HS3ST3B1: variants seen among roughly 807,000 people sequenced by gnomAD.
The protein encoded by HS3ST3B1 is heparan sulfate glucosamine 3-O-sulfotransferase 3B1.
A neutral mutation model predicts 21.3 loss-of-function variants in HS3ST3B1; 13 were observed. The ratio of observed to expected loss-of-function variants is 0.61; its 90% CI spans 0.40 to 0.97. The LOEUF is 0.97. Among genes scored for constraint, HS3ST3B1 ranks in the 50% least tolerant of loss-of-function variants. The probability of loss-of-function intolerance (pLI) is 0.00; values close to 1 mark genes in which losing one functional copy is unlikely to be tolerated. For missense variants in HS3ST3B1, 459 were observed against 554.8 expected (o/e 0.83, Z 1.73); for synonymous variants, 234 against 254.8 (o/e 0.92, Z 0.78).
intron 1 of HS3ST3B1, among the ~76,000 whole-genome samples, chr17:14,323,095 A>G (rs1211172988): frequency 6.6e-6 from 1 of 151,912 alleles, no homozygotes; most frequent in Non-Finnish European, 1.5e-5. Flanking sequence ...TTTTGTAGAG[A>G]CGGGGTTTCA....
intron 1 of HS3ST3B1, among the ~76,000 whole-genome samples, chr17:14,344,146 C>A (rs369071560): frequency 6.6e-6 from 1 of 152,182 alleles, no homozygotes; most frequent in African/African-American, 2.4e-5. Context: ...GTGATCCACC[C>A]GCCTCTGCCT....
intron 1 of HS3ST3B1, chr17:14,329,307 GAGAAAGAGAGAAAGAAAGAA>G (rs1909907900): frequency 1.9e-5 from 2 of 107,844 alleles, no homozygotes; most frequent in Non-Finnish European, 3.9e-5. Flanking sequence ...GAAAGAAAGA[GAGAAAGAGAGAAAGAAAGAA>G]AGAAAGAAAG....
chr17:14,345,053 G>T lies in HS3ST3B1; in HGVS notation c.580G>T (p.Gly194Trp). The change falls in exon 2 of 2, where the codon GGG becomes TGG. Residue 194 changes from glycine (G) to tryptophan (W), a missense_variant. Around this residue, in one of 3 missense-constraint regions of HS3ST3B1, gnomAD observed 317 missense variants for 278.6 expected, o/e 1.14. Coordinates refer to ENST00000360954, the MANE Select transcript of HS3ST3B1 (RefSeq NM_006041.3). ...YRDLMPRTLDGQITMEKTPSY... is the reference protein window; with the variant it reads ...YRDLMPRTLDWQITMEKTPSY... Reference sequence around the variant, plus strand: ...GGACCTGATGCCCAGAACCCTGGACGGGCAGATCACCATGGAGAAGACGCC... The same window carrying T: ...GGACCTGATGCCCAGAACCCTGGACTGGCAGATCACCATGGAGAAGACGCC... 6.3e-7 allele frequency: 1 copy of T among 1,598,268 alleles called. No individual in the cohort carries two copies. Among genetic ancestry groups the T allele is most frequent in the Non-Finnish European group, 8.5e-7 (1 of 1,170,946 alleles).
rs1040322797 is a variant in HS3ST3B1 at position 14,303,880 on chromosome 17, T to C, written c.554+1808T>C. 6.6e-6 allele frequency: 1 copy of C among 151,994 alleles called. No individual in the cohort carries two copies. The highest frequency in any genetic ancestry group is 1.5e-5 in the Non-Finnish European group (1 of 68,084). 9.4% of individuals were successfully genotyped at this position (151,994 alleles called of 1,614,324 possible). On this transcript the variant is annotated intron_variant, in intron 1 of 1. Transcript: ENST00000360954. The surrounding 1 kb of genome is among the most constrained non-coding windows in gnomAD (Gnocchi z 5.7). Reference sequence around the variant, plus strand: ...TGAGATCAGACACACTTGGGCCGGGTTGGGAGGAACTGGCAGGAAAAGGAC... The same window carrying C: ...TGAGATCAGACACACTTGGGCCGGGCTGGGAGGAACTGGCAGGAAAAGGAC...
At chr17:14,304,417 A>G (rs1257843684) in intron 1 of HS3ST3B1, 1 of 152,268 alleles carries the variant, frequency 6.6e-6, no homozygotes, top group Non-Finnish European at 1.5e-5. Flanking sequence ...AAGGGGGAAA[A>G]AAATCTTTTA....
At chr17:14,314,889 C>T (rs889118838) in intron 1 of HS3ST3B1, among the ~76,000 whole-genome samples, 4 of 152,298 alleles carry the variant, frequency 2.6e-5, no homozygotes, top group African/African-American at 7.2e-5. Context: ...CAGTTCATCA[C>T]GGGCATTCTT....
At chr17:14,334,164 G>A (rs944883583) in intron 1 of HS3ST3B1, among the ~76,000 whole-genome samples, 1 of 152,184 alleles carries the variant, frequency 6.6e-6, no homozygotes, top group South Asian at 2.1e-4. Context: ...ACATTGCAGA[G>A]GCAAAGAGAA....
Position 14,337,809 on chromosome 17 carries a change from G to T in HS3ST3B1, c.555-7219G>T, listed in dbSNP as rs148215625. Among the ~76,000 whole-genome samples the T allele has an allele frequency of 3.4e-3, 523 of 151,746 alleles. 2 individuals are homozygous for T. Among genetic ancestry groups the T allele is most frequent in the Admixed American group, 7.2e-3 (110 of 15,246 alleles). On this transcript the variant is annotated intron_variant, in intron 1 of 1. Coordinates refer to ENST00000360954, the MANE Select transcript of HS3ST3B1 (RefSeq NM_006041.3). ...TAGCTGAACAACTTTCAGTTCTGCT[G>T]ACAATGTTGTCTTCTCATTTTTTCC...
chr17:14,323,056 C>A (rs1460520913), intron 1 of HS3ST3B1, among the ~76,000 whole-genome samples: 1 of 151,980 alleles, frequency 6.6e-6, no homozygotes, highest in Non-Finnish European at 1.5e-5. Context: ...CAGGCACATG[C>A]CACCATGCCC....
In HS3ST3B1 at chr17:14,345,672, C is replaced by T; in HGVS notation, c.*26C>T. ...GCAGACCCGGGCTATGTACCTTACCCACGTGGCTTATCTATTGACAGAGAT... is the reference window on the plus strand; with the variant it reads ...GCAGACCCGGGCTATGTACCTTACCTACGTGGCTTATCTATTGACAGAGAT... On this transcript the variant is annotated 3_prime_UTR_variant, in exon 2 of 2. Transcript: ENST00000360954. The T allele has an allele frequency of 6.2e-7, 1 of 1,600,974 alleles. No individual in the cohort carries two copies. The highest frequency in any genetic ancestry group is 8.5e-7 in the Non-Finnish European group (1 of 1,171,290).
chr17:14,306,186 T>C (rs1018146706), intron 1 of HS3ST3B1, among the ~76,000 whole-genome samples: 9 of 152,214 alleles, frequency 5.9e-5, no homozygotes, highest in African/African-American at 1.7e-4. Flanking sequence ...CCAAGCAGGA[T>C]AGTTACTACA....
In HS3ST3B1 at chr17:14,311,384, C is replaced by T. The variant is rs1037542714; in HGVS notation, c.554+9312C>T. On this transcript the variant is annotated intron_variant, in intron 1 of 1. Coordinates refer to ENST00000360954, the MANE Select transcript of HS3ST3B1 (RefSeq NM_006041.3). ...GTGAGCCACCACGCCAGACCCAGAC[C>T]GTATTTTTAGAGCCGTTTTAGGTTC... 5.3e-5 allele frequency among the ~76,000 whole-genome samples: 8 copies of T among 152,094 alleles called. No homozygotes were observed. In the East Asian group the frequency reaches 5.8e-4, roughly 11 times the overall value.
chr17:14,301,937 C>T lies in HS3ST3B1; in HGVS notation c.419C>T (p.Ala140Val). 6.2e-7 allele frequency: 1 copy of T among 1,609,796 alleles called. No individual in the cohort carries two copies. Among genetic ancestry groups the T allele is most frequent in the Non-Finnish European group, 8.5e-7 (1 of 1,178,676 alleles). The change falls in exon 1 of 2, where the codon GCC (alanine) becomes GTC (valine). Residue 140 changes from alanine to valine, a missense_variant. Physicochemically the swap from Ala to Val is moderately conservative, Grantham distance 64. Around this residue, in one of 3 missense-constraint regions of HS3ST3B1, gnomAD observed 317 missense variants for 278.6 expected, o/e 1.14. Coordinates refer to ENST00000360954, the MANE Select transcript of HS3ST3B1 (RefSeq NM_006041.3). ...SGSGSKQLPQ[A>V]IIIGVKKGGT... is the part of the protein sequence containing the mutation. Reference sequence around the variant, plus strand: ...TCTGGGAGCAAGCAGCTGCCGCAGGCCATCATCATCGGCGTGAAGAAGGGC... The same window carrying T: ...TCTGGGAGCAAGCAGCTGCCGCAGGTCATCATCATCGGCGTGAAGAAGGGC...
chr17:14,342,602 G>T (rs1910422761), intron 1 of HS3ST3B1, among the ~76,000 whole-genome samples: 1 of 152,152 alleles, frequency 6.6e-6, no homozygotes, highest in Non-Finnish European at 1.5e-5. Flanking sequence ...CATATGTCAG[G>T]TGTATTCTAA....
chr17:14,331,259 C>A (rs1311441904), intron 1 of HS3ST3B1, among the ~76,000 whole-genome samples: 2 of 152,052 alleles, frequency 1.3e-5, no homozygotes, highest in Non-Finnish European at 2.9e-5. Context: ...AGAGCTCACC[C>A]GCAAAAGACT....
chr17:14,337,381 G>T (rs1013416766), intron 1 of HS3ST3B1, among the ~76,000 whole-genome samples: 1 of 151,234 alleles, frequency 6.6e-6, no homozygotes, highest in African/African-American at 2.4e-5. Context: ...AGGCTGGAGT[G>T]CAGTGTCAGG....
intron 1 of HS3ST3B1, among the ~76,000 whole-genome samples, chr17:14,325,239 T>C (rs1237411142): frequency 6.6e-6 from 1 of 152,250 alleles, no homozygotes; most frequent in Non-Finnish European, 1.5e-5. Flanking sequence ...AATCCAGCCT[T>C]TTTGTTAAAG....
rs1215527812 is a variant in HS3ST3B1, at chr17:14,301,364, G to GAGC, written c.-142_-140dup. The GAGC allele has an allele frequency of 6.1e-5, 36 of 594,724 alleles. No homozygotes were observed. The highest frequency in any genetic ancestry group is 8.9e-5 in the Non-Finnish European group (34 of 382,036). 36.8% of individuals were successfully genotyped at this position (594,724 alleles called of 1,614,324 possible). A position where few individuals can be genotyped will look rare whatever the true frequency, so the allele number is the denominator to read the frequency against. ...ACAGCTGCCGCCGCCACCTGGGGAA[G>GAGC]AGCAGCAGCAGCAGCGGCGGCCGCG... On this transcript the variant is annotated 5_prime_UTR_variant, in exon 1 of 2. Coordinates refer to ENST00000360954, the MANE Select transcript of HS3ST3B1 (RefSeq NM_006041.3).
At chr17:14,338,372 C>A (rs956038565) in intron 1 of HS3ST3B1, among the ~76,000 whole-genome samples, 1 of 151,596 alleles carries the variant, frequency 6.6e-6, no homozygotes, top group African/African-American at 2.4e-5. Flanking sequence ...GATCTGCCCA[C>A]CTTGGCCTCC....
Sources: gnomAD v4.1 joint callset for allele counts (sites outside exome capture counted in the v4.1 genomes callset) on GRCh38, gnomAD v4.1.1 for gene constraint, gnomAD v4.1.1 regional missense constraint, Gnocchi (gnomAD v3.1) non-coding constraint, MANE v1.5 for transcripts, NCBI Gene and HGNC (gene_info 2026-07-23, HGNC 2026-07-21) for gene names.